INTS6L: variants seen among roughly 807,000 people sequenced by gnomAD.
INTS6L encodes the protein integrator complex subunit 6-like.
Under a neutral mutation model 64.7 loss-of-function variants are expected in INTS6L, and 18 were observed. That is an observed-to-expected ratio of 0.28 (90% CI 0.19 to 0.41). The LOEUF (loss-of-function observed/expected upper bound fraction) is 0.41, where lower values mean the gene tolerates loss of function less well. Ranked by LOEUF, INTS6L falls within the 10% of genes least tolerant of loss-of-function variation. INTS6L has a pLI of 1.00. For missense variants in INTS6L, 533 were observed against 661.0 expected, an observed-to-expected ratio of 0.81 and a Z score of 2.12; for synonymous variants, 227 against 235.9, an observed-to-expected ratio of 0.96 and a Z score of 0.34.
In INTS6L at chrX:135,569,397, G is replaced by A; in HGVS notation, c.1253G>A (p.Ser418Asn). 8.4e-7 allele frequency: 1 copy of A among 1,190,826 alleles called. No individual in the cohort carries two copies. The highest frequency in any genetic ancestry group is 1.1e-6 in the Non-Finnish European group (1 of 884,792). The part of the protein sequence containing the change: ...PNLKWRQAFD[S>N]YLKTLPPYYL... ...CTGAAGTGGCGACAGGCTTTTGACA[G>A]CTACTTAAAAACTCTGCCTCCATAC... Residue 418 changes from serine (S) to asparagine (N), a missense_variant, in exon 10 of 18, where the codon AGC becomes AAC. By Grantham distance (46) the Ser-to-Asn change is conservative (BLOSUM62 1). Coordinates refer to ENST00000639893, the MANE Select transcript of INTS6L (RefSeq NM_001351601.3).
chrX:135,533,617 A>G (rs781973892), intron 2 of INTS6L, among the ~76,000 whole-genome samples: 1 of 109,781 alleles, frequency 9.1e-6, no homozygotes, highest in Non-Finnish European at 1.9e-5. Context: ...GTTCTCATGG[A>G]AGAATTTTTC....
At position 135,581,746 on chromosome X, in the gene INTS6L, C is replaced by A; in HGVS notation, c.*110C>A. 2 of 612,714 alleles carry A rather than the reference C, an allele frequency of 3.3e-6. No homozygotes were observed. Among genetic ancestry groups the A allele is most frequent in the Non-Finnish European group, 5.1e-6 (2 of 390,686 alleles). The allele number at this position is 612,714 out of a possible 1,213,427, so 50.5% of individuals were successfully genotyped here. A position where few individuals can be genotyped will look rare whatever the true frequency, so the allele number is the denominator to read the frequency against. On this transcript the variant is annotated 3_prime_UTR_variant, in exon 18 of 18. Coordinates refer to ENST00000639893, the MANE Select transcript of INTS6L (RefSeq NM_001351601.3). ...AGTCAAGGGAATTGCTTTCCAGATGCTAAGAAGCAGCAGTGGGGCTTTTGA... is the reference window on the plus strand; with the variant it reads ...AGTCAAGGGAATTGCTTTCCAGATGATAAGAAGCAGCAGTGGGGCTTTTGA...
rs182218324 is a variant in INTS6L, at chrX:135,578,454, C to T, written c.2119+1027C>T. Among the ~76,000 whole-genome samples, 88 of 111,682 alleles carry T rather than the reference C, an allele frequency of 7.9e-4. 1 individual carries two copies. The highest frequency in any genetic ancestry group is 1.5e-3 in the Non-Finnish European group (78 of 53,128). On this transcript the variant is annotated intron_variant, in intron 15 of 17. Transcript: ENST00000639893. Reference sequence around the variant, plus strand: ...GTCAGGGTTGAGGAGGGTAGAGAAGCTCTAGATTGTAGTGTTTGCAGATTT... The same window carrying T: ...GTCAGGGTTGAGGAGGGTAGAGAAGTTCTAGATTGTAGTGTTTGCAGATTT...
intron 8 of INTS6L, among the ~76,000 whole-genome samples, chrX:135,553,088 A>G (rs898306678): frequency 2.7e-5 from 3 of 112,451 alleles, no homozygotes; most frequent in Non-Finnish European, 5.6e-5. Flanking sequence ...AAGAAACAGA[A>G]TAATCTCACA....
At position 135,554,409 on chromosome X, in the gene INTS6L, A is replaced by G. The variant is rs141418887; in HGVS notation, c.1060-1759A>G. Among the ~76,000 whole-genome samples the G allele has an allele frequency of 5.9e-3, 656 of 112,046 alleles. 10 individuals carry two copies. The highest frequency in any genetic ancestry group is 0.02 in the African/African-American group (606 of 30,845). On this transcript the variant is annotated intron_variant, in intron 8 of 17. Coordinates refer to ENST00000639893, the MANE Select transcript of INTS6L (RefSeq NM_001351601.3). ...TTTATTGCAGTTATCTGTTTCTATT[A>G]TCATTCAAATTATGACACAAAATCT...
rs1034038223 is a variant in INTS6L, at chrX:135,581,433, A to C, written c.2589-95A>C. 5.6e-5 allele frequency: 36 copies of C among 641,627 alleles called. No homozygotes were observed. In the South Asian group the frequency reaches 1.0e-3, roughly 18 times the overall value. 52.9% of individuals were successfully genotyped at this position (641,627 alleles called of 1,213,427 possible). A position where few individuals can be genotyped will look rare whatever the true frequency, so the allele number is the denominator to read the frequency against. Reference sequence around the variant, plus strand: ...GAGGACAATCTTTATATTCCTATGTAGATTGTAAGCTTCGATTTGTATCCC... The same window carrying C: ...GAGGACAATCTTTATATTCCTATGTCGATTGTAAGCTTCGATTTGTATCCC... On this transcript the variant is annotated intron_variant, in intron 17 of 17. Transcript: ENST00000639893.
At chrX:135,521,678 G>A (rs2085562954) in intron 2 of INTS6L, among the ~76,000 whole-genome samples, 1 of 109,323 alleles carries the variant, frequency 9.1e-6, no homozygotes, top group African/African-American at 3.3e-5. Context: ...AGGGAGGAGC[G>A]GGGAAGGAGG....
chrX:135,534,688 T>TC (rs1452210788), intron 2 of INTS6L, among the ~76,000 whole-genome samples: 2 of 105,953 alleles, frequency 1.9e-5, no homozygotes, highest in East Asian at 5.8e-4. Flanking sequence ...TTTTCTTTTT[T>TC]TTTTTTTTTT....
At position 135,581,563 on chromosome X, in the gene INTS6L, A is replaced by G. The variant is rs1556534529; in HGVS notation, c.2624A>G (p.Lys875Arg). 8.3e-7 allele frequency: 1 copy of G among 1,210,020 alleles called. No homozygotes were observed. The highest frequency in any genetic ancestry group is 2.2e-5 in the Admixed American group (1 of 45,881). The change falls in exon 18 of 18, where the codon AAG becomes AGG. Residue 875 changes from lysine (K) to arginine (R), a missense_variant. Coordinates refer to ENST00000639893, the MANE Select transcript of INTS6L (RefSeq NM_001351601.3). The part of the protein sequence containing the change: ...KRRVLIQYLE[K>R]VLEKINSHHL... Reference sequence around the variant, plus strand: ...CGAGTCCTAATTCAGTACCTTGAGAAGGTACTAGAAAAAATAAATTCCCAC... The same window carrying G: ...CGAGTCCTAATTCAGTACCTTGAGAGGGTACTAGAAAAAATAAATTCCCAC...
intron 9 of INTS6L, among the ~76,000 whole-genome samples, chrX:135,559,224 A>G (rs1556520879): frequency 8.9e-6 from 1 of 112,242 alleles, no homozygotes; most frequent in East Asian, 2.8e-4. Context: ...GATGCAGTGA[A>G]GATACAGAAC....
At chrX:135,565,965 G>A (rs1477859356) in intron 9 of INTS6L, among the ~76,000 whole-genome samples, 1 of 112,044 alleles carries the variant, frequency 8.9e-6, no homozygotes, top group Non-Finnish European at 1.9e-5. Context: ...TTTGAGGCTG[G>A]AGGTCCTTGA....
At chrX:135,562,163 G>A (rs1305857748) in intron 9 of INTS6L, among the ~76,000 whole-genome samples, 1 of 110,782 alleles carries the variant, frequency 9.0e-6, no homozygotes, top group Admixed American at 9.6e-5. Context: ...TTCTCTCAGC[G>A]CTAATTTAGC....
chrX:135,547,298 TTA>T, intron 6 of INTS6L, 33 bp downstream of exon 6: 2 of 1,167,527 alleles, frequency 1.7e-6, no homozygotes, highest in Non-Finnish European at 2.3e-6. Context: ...CCCTAAAGTG[TTA>T]TATAGGAGAA....
chrX:135,542,018 T>A (rs1233428762), intron 2 of INTS6L, among the ~76,000 whole-genome samples: 3 of 111,623 alleles, frequency 2.7e-5, no homozygotes, highest in African/African-American at 9.8e-5. Flanking sequence ...TAGGGACATT[T>A]GGTTCTTCTC....
At position 135,546,770 on chromosome X, in the gene INTS6L, A is replaced by G. The variant is rs1392185263; in HGVS notation, c.498A>G (p.Gln166=). The stretch of plus-strand genomic sequence containing the variant: ...CCAAAGAACCTTTTCGTTGGGATCA[A>G]AGGTTATTTGCCCTGGTGTTGCGTT... ...ELTKEPFRWD[Q]RLFALVLRLP... is the part of the protein sequence containing the mutation. Residue 166 remains glutamine (Q), a synonymous_variant, in exon 5 of 18, where the codon CAA becomes CAG. Coordinates refer to ENST00000639893, the MANE Select transcript of INTS6L (RefSeq NM_001351601.3). 8.3e-7 allele frequency: 1 copy of G among 1,210,038 alleles called. No homozygotes were observed. The highest frequency in any genetic ancestry group is 1.1e-6 in the Non-Finnish European group (1 of 895,154).
In INTS6L at chrX:135,520,807, G is replaced by T; in HGVS notation, c.-186G>T. ...CTTTCAAGTTCCCTTGGAGGGAGAG[G>T]AGGTGGGGCTGCAGAAAGAGGAGGC... On this transcript the variant is annotated 5_prime_UTR_variant, in exon 1 of 18. Transcript: ENST00000639893. 1 of 447,286 alleles carries T rather than the reference G, an allele frequency of 2.2e-6. No homozygotes were observed. The highest frequency in any genetic ancestry group is 3.9e-6 in the Non-Finnish European group (1 of 257,579). The allele number at this position is 447,286 out of a possible 1,213,427, so 36.9% of individuals were successfully genotyped here.
intron 16 of INTS6L, among the ~76,000 whole-genome samples, chrX:135,580,661 C>T (rs2087348196): frequency 8.9e-6 from 1 of 112,424 alleles, no homozygotes; most frequent in Non-Finnish European, 1.9e-5. Context: ...TCTCTCTGAC[C>T]TTAACTCTAC....
chrX:135,561,940 T>A (rs2068989796), intron 9 of INTS6L, among the ~76,000 whole-genome samples: 1 of 111,825 alleles, frequency 8.9e-6, no homozygotes, highest in African/African-American at 3.2e-5. Flanking sequence ...TTGTCAGCCT[T>A]GCTAGATGTT....
In INTS6L at chrX:135,536,489, G is replaced by A. The variant is rs563335146; in HGVS notation, c.190-8934G>A. Among the ~76,000 whole-genome samples, 23 of 110,874 alleles carry A rather than the reference G, an allele frequency of 2.1e-4. No individual in the cohort carries two copies. The South Asian group carries it at 8.8e-3, about 43-fold the overall frequency. ...CCATTTTCCAAATATTAGTAAGGTC[G>A]CTAACATTTTGGAAAAGGATTACAA... On this transcript the variant is annotated intron_variant, in intron 2 of 17. Transcript: ENST00000639893.
Sources: allele counts gnomAD v4.1 joint callset (sites outside exome capture counted in the v4.1 genomes callset), GRCh38; gene constraint gnomAD v4.1.1; transcripts MANE v1.5; gene names NCBI Gene and HGNC (gene_info 2026-07-23, HGNC 2026-07-21).